CATSPERD: variants seen among roughly 807,000 people sequenced by gnomAD.
CATSPERD encodes the protein cation channel sperm-associated auxiliary subunit delta.
In CATSPERD, 86 loss-of-function variants were observed where a neutral mutation model predicts 98.1. The ratio of observed to expected loss-of-function variants is 0.88; its 90% confidence interval spans 0.74 to 1.05. The LOEUF is 1.05. Among genes scored for constraint, CATSPERD ranks in the 50% least tolerant of loss-of-function variants. The pLI is 0.00. For missense variants in CATSPERD, 995 were observed against 1,005.7 expected (o/e 0.99, Z 0.14); for synonymous variants, 394 against 390.2 (o/e 1.01, Z -0.12).
At chr19:5,762,732 G>A (rs2056465151) in intron 15 of CATSPERD, among the ~76,000 whole-genome samples, 1 of 151,484 alleles carries the variant, frequency 6.6e-6, no homozygotes, top group Non-Finnish European at 1.5e-5. Context: ...ATGAGTGGAT[G>A]GATAGAGAGA....
At chr19:5,763,112 A>G (rs2056474691) in intron 15 of CATSPERD, 103 bp from the exon 16 acceptor site, 1 of 794,278 alleles carries the variant, frequency 1.3e-6, no homozygotes, top group Admixed American at 2.1e-5. Flanking sequence ...AGATGGATGG[A>G]TGGATGCACG....
At chr19:5,749,570 ACAG>A (rs1251073839) in intron 11 of CATSPERD, among the ~76,000 whole-genome samples, 4 of 152,140 alleles carry the variant, frequency 2.6e-5, no homozygotes, top group African/African-American at 9.7e-5. Flanking sequence ...AACAACAACA[ACAG>A]CAGCTAAAAG....
chr19:5,758,191 T>G (rs1227038696), intron 14 of CATSPERD, among the ~76,000 whole-genome samples: 1 of 151,896 alleles, frequency 6.6e-6, no homozygotes, highest in South Asian at 2.1e-4. Flanking sequence ...GTTAGTTGGG[T>G]AAACTGAGGC....
chr19:5,727,301 T>C lies in CATSPERD; in HGVS notation c.160T>C (p.Leu54=), dbSNP rs746455349. The change falls in exon 3 of 22, where the codon TTG becomes CTG. Residue 54 remains leucine, a synonymous_variant. Transcript: ENST00000381624. ...GTATTTTCATCCTACAACAACACGC[T>C]TGATTAAACATCCTTGCGAGAAAAA... ...RLYFHPTTTR[L]IKHPCEKNIA... The C allele has an allele frequency of 6.2e-7, 1 of 1,613,872 alleles. No individual in the cohort carries two copies. Among genetic ancestry groups the C allele is most frequent in the South Asian group, 1.1e-5 (1 of 91,082 alleles).
chr19:5,777,394 G>A (rs574947040), intron 21 of CATSPERD, among the ~76,000 whole-genome samples: 42 of 152,202 alleles, frequency 2.8e-4, no homozygotes, highest in Admixed American at 1.4e-3. Context: ...CCTCCCTGCC[G>A]TGGATTCTGT....
intron 12 of CATSPERD, among the ~76,000 whole-genome samples, chr19:5,752,263 C>A (rs2145786960): frequency 6.6e-6 from 1 of 151,194 alleles, no homozygotes; most frequent in Middle Eastern, 3.4e-3. Flanking sequence ...GAGCCGAGAT[C>A]ACACCACTGC....
intron 18 of CATSPERD, among the ~76,000 whole-genome samples, chr19:5,768,823 A>G (rs2056592460): frequency 6.6e-6 from 1 of 151,814 alleles, no homozygotes; most frequent in Admixed American, 6.6e-5. Context: ...TCTGGGCCTC[A>G]GTCAATTTGT....
chr19:5,765,727 G>A (rs1273955978), intron 16 of CATSPERD, among the ~76,000 whole-genome samples: 1 of 151,980 alleles, frequency 6.6e-6, no homozygotes, highest in East Asian at 1.9e-4. Flanking sequence ...CAGGAGAATC[G>A]CTTGAACCCA....
At chr19:5,763,911 G>A (rs139495751) in intron 16 of CATSPERD, among the ~76,000 whole-genome samples, 12 of 139,278 alleles carry the variant, frequency 8.6e-5, no homozygotes, top group African/African-American at 3.1e-4. Flanking sequence ...GCAGTGGTGC[G>A]ATCTCAGCTC....
At position 5,720,732 on chromosome 19, in the gene CATSPERD, A is replaced by T; in HGVS notation, c.-6A>T. On this transcript the variant is annotated 5_prime_UTR_variant, in exon 1 of 22. Transcript: ENST00000381624. ...GGGGCAGTGGTGGCGGCGGAAGCCC[A>T]AGTCGATGCTGATGTTGATGCTGGT... is the stretch of plus-strand genomic sequence containing the variant. 6.2e-7 allele frequency: 1 copy of T among 1,606,290 alleles called. No individual in the cohort carries two copies. Among genetic ancestry groups the T allele is most frequent in the Non-Finnish European group, 8.5e-7 (1 of 1,179,550 alleles).
rs143559496 is a variant in CATSPERD, at chr19:5,733,307, T to TTTTCTTTCTTTC, written c.277-532_277-521dup. On this transcript the variant is annotated intron_variant, in intron 4 of 21. Transcript: ENST00000381624. ...CTGCGCCTGGTCTCTTTCTTTTTCT[T>TTTTCTTTCTTTC]TTTCTTTCTTTCTTTCTTTCTTTCT... 5.4e-4 allele frequency among the ~76,000 whole-genome samples: 79 copies of TTTTCTTTCTTTC among 146,972 alleles called. 2 individuals carry two copies. Among genetic ancestry groups the TTTTCTTTCTTTC allele is most frequent in the African/African-American group, 1.8e-3 (71 of 38,428 alleles).
Position 5,744,454 on chromosome 19 carries a change from A to C in CATSPERD, c.601A>C (p.Ile201Leu). The C allele has an allele frequency of 6.2e-7, 1 of 1,612,512 alleles. No homozygotes were observed. Residue 201 changes from isoleucine (I) to leucine (L), a missense_variant, in exon 8 of 22, where the codon ATC becomes CTC. Ile to Leu is a conservative substitution (Grantham distance 5, BLOSUM62 2). This residue lies in a region of CATSPERD where 762 missense variants were observed against 773.7 expected (regional missense o/e 0.98). Transcript: ENST00000381624. ...AGAAATCATTGGGTCTTTAGGCGGAATCTTCCACTTTTTTTCTTTGTCACA... is the reference window on the plus strand; with the variant it reads ...AGAAATCATTGGGTCTTTAGGCGGACTCTTCCACTTTTTTTCTTTGTCACA... Reference protein sequence around the residue: ...QAEIIGSLGGIFHFFSLSQVA... With the variant: ...QAEIIGSLGGLFHFFSLSQVA...
chr19:5,732,716 C>T (rs1376158084), intron 4 of CATSPERD, among the ~76,000 whole-genome samples: 1 of 152,114 alleles, frequency 6.6e-6, no homozygotes, highest in African/African-American at 2.4e-5. Flanking sequence ...GTCTCTGTCA[C>T]CCAGGCTGGA....
chr19:5,740,706 C>T (rs540703707), intron 7 of CATSPERD, among the ~76,000 whole-genome samples: 1 of 141,988 alleles, frequency 7.0e-6, no homozygotes, highest in South Asian at 2.3e-4. Context: ...GCAGAAGTTG[C>T]TTGAGCCAAG....
rs574433043 is a variant in CATSPERD at position 5,721,782 on chromosome 19, A to C, written c.71+974A>C. On this transcript the variant is annotated intron_variant, in intron 1 of 21. Transcript: ENST00000381624. ...GGCAGATCACTCACTTGAGGTCAAG[A>C]GTTCCAGACCAGCCTGGCCAACATG... 1.2e-4 allele frequency among the ~76,000 whole-genome samples: 19 copies of C among 152,064 alleles called. 1 individual carries two copies. Among genetic ancestry groups the C allele is most frequent in the African/African-American group, 4.6e-4 (19 of 41,516 alleles).
chr19:5,766,693 C>A (rs2056544515), intron 17 of CATSPERD, among the ~76,000 whole-genome samples: 1 of 80,490 alleles, frequency 1.2e-5, no homozygotes. Context: ...TTGGTGATAT[C>A]CACATTTTTT....
At chr19:5,744,250 G>T (rs1309926457) in intron 7 of CATSPERD, among the ~76,000 whole-genome samples, 177 bp from the exon 8 acceptor site, 1 of 152,142 alleles carries the variant, frequency 6.6e-6, no homozygotes, top group African/African-American at 2.4e-5. Context: ...AAAGTGCTGG[G>T]ATGACAGGCG....
At chr19:5,749,360 T>C (rs1426874190) in intron 11 of CATSPERD, among the ~76,000 whole-genome samples, 177 bp downstream of exon 11, 2 of 152,010 alleles carry the variant, frequency 1.3e-5, no homozygotes, top group Non-Finnish European at 2.9e-5. Flanking sequence ...AGCCTGGTGG[T>C]GGGCACCTGT....
intron 21 of CATSPERD, 25 bp from the exon 22 acceptor site, chr19:5,778,351 C>G: frequency 6.3e-7 from 1 of 1,577,950 alleles, no homozygotes; most frequent in Non-Finnish European, 8.6e-7. Flanking sequence ...GCCCAACAGC[C>G]TCTCCCCGCC....
Sources: gnomAD v4.1 joint callset for allele counts (sites outside exome capture counted in the v4.1 genomes callset) on GRCh38, gnomAD v4.1.1 for gene constraint, gnomAD v4.1.1 regional missense constraint, MANE v1.5 for transcripts, NCBI Gene and HGNC (gene_info 2026-07-23, HGNC 2026-07-21) for gene names.